TMEM233: variants seen among roughly 807,000 people sequenced by gnomAD.
TMEM233 encodes the protein dispanin subfamily B member 2.
In TMEM233, 6 loss-of-function variants were observed where a neutral mutation model predicts 11.2. The observed-to-expected ratio is 0.54, with a 90% CI of 0.29 to 1.06. The LOEUF (loss-of-function observed/expected upper bound fraction) is 1.06. Among genes scored for constraint, TMEM233 ranks in the 50% least tolerant of loss-of-function variants. TMEM233 has a pLI of 0.08. For missense variants in TMEM233, 127 were observed against 144.7 expected, an observed-to-expected ratio of 0.88 and a Z score of 0.63; for synonymous variants, 59 against 55.8, an observed-to-expected ratio of 1.06 and a Z score of -0.26.
At chr12:119,645,169 A>C (rs1028579713), downstream of TMEM233, among the ~76,000 whole-genome samples, 10 of 152,022 alleles carry the variant, frequency 6.6e-5, no homozygotes, top group Non-Finnish European at 1.5e-4. Context: ...GCAGATATAA[A>C]ATCGCTGGCC....
At chr12:119,624,069 G>C in intron 1 of TMEM233, among the ~76,000 whole-genome samples, 1 of 151,978 alleles carries the variant, frequency 6.6e-6, no homozygotes, top group East Asian at 1.9e-4. Context: ...ATAATAATAG[G>C]CTGGGTAAGG....
the TMEM233 span, among the ~76,000 whole-genome samples, chr12:119,651,249 T>C: frequency 6.6e-6 from 1 of 152,200 alleles, no homozygotes; most frequent in Non-Finnish European, 1.5e-5. Context: ...TCCCTTTGAT[T>C]TTCTCAGCTT....
chr12:119,637,064 T>C (rs773301535), intron 2 of TMEM233, among the ~76,000 whole-genome samples: 2 of 152,184 alleles, frequency 1.3e-5, no homozygotes, highest in Non-Finnish European at 2.9e-5. Context: ...ATAGAAGGAA[T>C]AGATGTGACA....
chr12:119,608,791 G>A (rs1412286053), intron 1 of TMEM233, among the ~76,000 whole-genome samples: 1 of 152,188 alleles, frequency 6.6e-6, no homozygotes, highest in Non-Finnish European at 1.5e-5. Flanking sequence ...TAGAAATCAG[G>A]GAGGGATGTT....
intron 1 of TMEM233, among the ~76,000 whole-genome samples, chr12:119,606,249 T>C (rs1334574170): frequency 2.0e-5 from 3 of 152,042 alleles, no homozygotes; most frequent in African/African-American, 7.3e-5. Flanking sequence ...TCAGACTATG[T>C]TCAGAAATTT....
chr12:119,649,111 A>T, the TMEM233 span, among the ~76,000 whole-genome samples: 1 of 152,190 alleles, frequency 6.6e-6, no homozygotes, highest in Non-Finnish European at 1.5e-5. Flanking sequence ...CAGCCTGGCC[A>T]ACATGGTGAA....
intron 1 of TMEM233, among the ~76,000 whole-genome samples, chr12:119,611,933 G>A (rs1954406673): frequency 6.6e-6 from 1 of 152,020 alleles, no homozygotes; most frequent in Admixed American, 6.5e-5. Context: ...AAGTGAGATA[G>A]TGTTGGGCCA....
the TMEM233 span, among the ~76,000 whole-genome samples, chr12:119,653,391 C>CAAAAAAA: frequency 6.1e-5 from 5 of 81,384 alleles, no homozygotes; most frequent in Non-Finnish European, 6.8e-5. Context: ...GACGCCACCT[C>CAAAAAAA]AAAAAAAAAA....
At chr12:119,601,385 G>C (rs545548188) in intron 1 of TMEM233, among the ~76,000 whole-genome samples, 1 of 151,966 alleles carries the variant, frequency 6.6e-6, no homozygotes, top group Non-Finnish European at 1.5e-5. Flanking sequence ...GGCCAGGTGC[G>C]GTGGCTCAAG....
chr12:119,612,249 T>C (rs991862568), intron 1 of TMEM233, among the ~76,000 whole-genome samples: 15 of 151,910 alleles, frequency 9.9e-5, no homozygotes, highest in Non-Finnish European at 1.5e-4. Flanking sequence ...CACCTCGCAC[T>C]CCCAAAGTGC....
downstream of TMEM233, among the ~76,000 whole-genome samples, chr12:119,644,021 C>A (rs1955119214): frequency 6.6e-6 from 1 of 152,136 alleles, no homozygotes; most frequent in African/African-American, 2.4e-5. Flanking sequence ...TGGACTTTTT[C>A]CTACCAGCCT....
chr12:119,631,503 ACACT>A (rs995780649), intron 2 of TMEM233: 3 of 985,466 alleles, frequency 3.0e-6, no homozygotes, highest in Non-Finnish European at 3.6e-6. Flanking sequence ...AGAGAAAAGG[ACACT>A]CAAACATGAA....
intron 1 of TMEM233, among the ~76,000 whole-genome samples, chr12:119,622,648 G>A (rs1236525350): frequency 6.6e-6 from 1 of 152,086 alleles, no homozygotes; most frequent in Non-Finnish European, 1.5e-5. Flanking sequence ...TTCACTGTTA[G>A]TTCTCTACCC....
At chr12:119,615,114 G>A (rs897600002) in intron 1 of TMEM233, among the ~76,000 whole-genome samples, 4 of 123,570 alleles carry the variant, frequency 3.2e-5, no homozygotes, top group Non-Finnish European at 4.7e-5. Flanking sequence ...TCTCCCCACT[G>A]CTCTCTGCAG....
intron 1 of TMEM233, among the ~76,000 whole-genome samples, chr12:119,612,257 T>A (rs1026977486): frequency 1.3e-5 from 2 of 152,026 alleles, no homozygotes; most frequent in South Asian, 2.1e-4. Context: ...ACTCCCAAAG[T>A]GCTGGGATTA....
At chr12:119,637,762 T>C (rs1566115140) in intron 2 of TMEM233, among the ~76,000 whole-genome samples, 1 of 152,164 alleles carries the variant, frequency 6.6e-6, no homozygotes, top group African/African-American at 2.4e-5. Context: ...TGGAAGAATT[T>C]TTGCTTGGAA....
At chr12:119,648,584 T>C in the TMEM233 span, among the ~76,000 whole-genome samples, 1 of 152,244 alleles carries the variant, frequency 6.6e-6, no homozygotes, top group African/African-American at 2.4e-5. Context: ...CATATCACAA[T>C]GGTAGTTAGA....
At chr12:119,633,597 T>A (rs1352646403) in intron 2 of TMEM233, among the ~76,000 whole-genome samples, 1 of 151,692 alleles carries the variant, frequency 6.6e-6, no homozygotes, top group East Asian at 1.9e-4. Context: ...AAAAACTAAA[T>A]AAATAAATTT....
At chr12:119,645,586 A>G (rs892983712), downstream of TMEM233, among the ~76,000 whole-genome samples, 2 of 152,222 alleles carry the variant, frequency 1.3e-5, no homozygotes, top group African/African-American at 4.8e-5. Flanking sequence ...CATTCATTCC[A>G]GTAGACATCT....
Sources: allele counts gnomAD v4.1 joint callset (sites outside exome capture counted in the v4.1 genomes callset), GRCh38; gene constraint gnomAD v4.1.1; transcripts MANE v1.5; gene names NCBI Gene and HGNC (gene_info 2026-07-23, HGNC 2026-07-21).